The following DIAPH3 variants were observed in gnomAD, a reference collection of about 807,000 sequenced individuals.
DIAPH3 encodes the protein diaphanous related formin 3.
DIAPH3 carries 117 observed loss-of-function variants against 144.3 expected under a neutral mutation model. The ratio of observed to expected loss-of-function variants is 0.81; its 90% confidence interval spans 0.70 to 0.95. DIAPH3 has a LOEUF of 0.95. Among genes scored for constraint, DIAPH3 ranks in the 40% least tolerant of loss-of-function variants. DIAPH3 has a pLI of 0.00. For synonymous variants in DIAPH3, 519 were observed against 488.9 expected (o/e 1.06, Z -0.81); for missense variants, 1,421 against 1,412.7 (o/e 1.01, Z -0.09).
At chr13:59,739,334 T>C (rs1421799540) in intron 27 of DIAPH3, among the ~76,000 whole-genome samples, 1 of 152,164 alleles carries the variant, frequency 6.6e-6, no homozygotes, top group Non-Finnish European at 1.5e-5. Flanking sequence ...AAAAACCACA[T>C]CAAATACAAG....
At chr13:60,125,265 G>A (rs2058956146) in intron 2 of DIAPH3, among the ~76,000 whole-genome samples, 1 of 151,984 alleles carries the variant, frequency 6.6e-6, no homozygotes, top group Non-Finnish European at 1.5e-5. Context: ...TCAGACTGCA[G>A]TACAGTGGCA....
intron 24 of DIAPH3, among the ~76,000 whole-genome samples, chr13:59,825,105 T>C (rs961998125): frequency 4.6e-5 from 7 of 152,072 alleles, no homozygotes; most frequent in Non-Finnish European, 8.8e-5. Context: ...GTTACATATG[T>C]ATACATGTGC....
At chr13:59,691,328 T>A (rs1290005783) in intron 27 of DIAPH3, among the ~76,000 whole-genome samples, 1 of 152,154 alleles carries the variant, frequency 6.6e-6, no homozygotes, top group Non-Finnish European at 1.5e-5. Flanking sequence ...GTCTTGTTTT[T>A]TATCCCCATG....
intron 25 of DIAPH3, among the ~76,000 whole-genome samples, chr13:59,794,748 A>G (rs142385953): frequency 9.2e-4 from 140 of 152,260 alleles, no homozygotes; most frequent in African/African-American, 3.2e-3. Context: ...GCCTCAAGAG[A>G]TCCTCCCACC....
At chr13:59,743,896 A>G (rs976747287) in intron 27 of DIAPH3, among the ~76,000 whole-genome samples, 2 of 152,306 alleles carry the variant, frequency 1.3e-5, no homozygotes, top group Non-Finnish European at 2.9e-5. Context: ...AGAGGAAAAA[A>G]GTCTACACCC....
At chr13:59,893,544 C>T (rs2045927967) in intron 20 of DIAPH3, among the ~76,000 whole-genome samples, 1 of 151,750 alleles carries the variant, frequency 6.6e-6, no homozygotes, top group South Asian at 2.1e-4. Context: ...AGTCAGATCC[C>T]TGAATGCAAT....
Position 59,714,110 on chromosome 13 carries a change from C to A in DIAPH3, c.3320-47264G>T, listed in dbSNP as rs561863883. Among the ~76,000 whole-genome samples, 989 of 152,140 alleles carry A rather than the reference C, an allele frequency of 6.5e-3. 4 individuals carry two copies. Among genetic ancestry groups the A allele is most frequent in the Non-Finnish European group, 0.01 (699 of 67,990 alleles). ...GCGCGGTGGCTCACGCCTGTAATCCCAGGACTTTGGGAGGCCGAGGCGGGC... is the reference window on the plus strand; with the variant it reads ...GCGCGGTGGCTCACGCCTGTAATCCAAGGACTTTGGGAGGCCGAGGCGGGC... On this transcript the variant is annotated intron_variant, in intron 27 of 27. Transcript: ENST00000400324.
At chr13:60,006,065 TAAAAG>T (rs925754217) in intron 9 of DIAPH3, among the ~76,000 whole-genome samples, 2 of 152,154 alleles carry the variant, frequency 1.3e-5, no homozygotes, top group African/African-American at 2.4e-5. Context: ...GAACTACCTA[TAAAAG>T]AAATTACTTA....
chr13:59,831,334 T>A (rs73196131), intron 24 of DIAPH3, among the ~76,000 whole-genome samples: 6,509 of 151,876 alleles, frequency 0.043, 159 homozygotes, highest in African/African-American at 0.052. Flanking sequence ...CTGTGATGGT[T>A]TATTACAAAC....
At chr13:59,770,901 G>C (rs2038084396) in intron 27 of DIAPH3, among the ~76,000 whole-genome samples, 1 of 152,118 alleles carries the variant, frequency 6.6e-6, no homozygotes, top group Non-Finnish European at 1.5e-5. Flanking sequence ...TAAAGATTTA[G>C]CACATACTTC....
chr13:59,793,285 T>C (rs1176079186), intron 25 of DIAPH3, among the ~76,000 whole-genome samples: 2 of 152,166 alleles, frequency 1.3e-5, no homozygotes, highest in Admixed American at 6.6e-5. Context: ...CCATTGATTG[T>C]CATTCTCTTC....
chr13:59,714,085 G>A (rs1338269341), intron 27 of DIAPH3, among the ~76,000 whole-genome samples: 4 of 152,150 alleles, frequency 2.6e-5, no homozygotes, highest in African/African-American at 9.7e-5. Flanking sequence ...CTAGGGCCGG[G>A]CGCGGTGGCT....
intron 18 of DIAPH3, among the ~76,000 whole-genome samples, chr13:59,919,606 A>G (rs2047413929): frequency 6.6e-6 from 1 of 152,138 alleles, no homozygotes; most frequent in African/African-American, 2.4e-5. Context: ...CCAGACAAAC[A>G]GAAGCTAAGG....
intron 2 of DIAPH3, among the ~76,000 whole-genome samples, chr13:60,114,526 G>A (rs985605660): frequency 1.3e-5 from 2 of 151,790 alleles, no homozygotes; most frequent in African/African-American, 4.8e-5. Context: ...GAGTGGAAAT[G>A]GTACAGAAGA....
At chr13:60,027,378 TAAAG>T (rs1024460286) in intron 5 of DIAPH3, among the ~76,000 whole-genome samples, 2 of 152,244 alleles carry the variant, frequency 1.3e-5, no homozygotes, top group Admixed American at 1.3e-4. Flanking sequence ...ATATACTTCT[TAAAG>T]AAACTGTATA....
At chr13:59,741,702 GC>G (rs1402932847) in intron 27 of DIAPH3, among the ~76,000 whole-genome samples, 2 of 105,040 alleles carry the variant, frequency 1.9e-5, no homozygotes, top group Non-Finnish European at 3.9e-5. Context: ...GGGCAACAAA[GC>G]AAAAAAAAAA....
At chr13:59,905,438 A>G (rs115017785) in intron 20 of DIAPH3, among the ~76,000 whole-genome samples, 252 of 151,806 alleles carry the variant, frequency 1.7e-3, no homozygotes, top group African/African-American at 5.4e-3. Context: ...AGGCCTTTCA[A>G]TTTAGCAATT....
chr13:59,903,600 G>T, intron 20 of DIAPH3, among the ~76,000 whole-genome samples: 1 of 148,748 alleles, frequency 6.7e-6, no homozygotes. Context: ...TAGGGTTTAA[G>T]TTCTATTCTT....
At chr13:59,818,497 C>CT (rs2139614922) in intron 24 of DIAPH3, among the ~76,000 whole-genome samples, 1 of 151,048 alleles carries the variant, frequency 6.6e-6, no homozygotes, top group South Asian at 2.1e-4. Flanking sequence ...TTTTTTTTGG[C>CT]TTTAGTGTTC....
Sources: allele counts gnomAD v4.1 joint callset (sites outside exome capture counted in the v4.1 genomes callset), GRCh38; gene constraint gnomAD v4.1.1; transcripts MANE v1.5; gene names NCBI Gene and HGNC (gene_info 2026-07-23, HGNC 2026-07-21).